The following TMEM117 variants were observed in gnomAD, a reference collection of about 807,000 sequenced individuals.
TMEM117 encodes the protein transmembrane protein 117.
A neutral mutation model predicts 52.4 loss-of-function variants in TMEM117; 27 were observed. The ratio of observed to expected loss-of-function variants is 0.51; its 90% CI spans 0.38 to 0.71. TMEM117 has a LOEUF of 0.71. Ranked by LOEUF, TMEM117 falls within the 30% of genes least tolerant of loss-of-function variation. The pLI, the probability that TMEM117 is intolerant of heterozygous loss-of-function variation, is 0.00. For missense variants in TMEM117, 556 were observed against 630.5 expected (o/e 0.88, Z 1.26); for synonymous variants, 215 against 206.3 (o/e 1.04, Z -0.36).
chr12:44,038,236 A>T (rs1946741542), intron 3 of TMEM117, among the ~76,000 whole-genome samples: 1 of 152,070 alleles, frequency 6.6e-6, no homozygotes. Context: ...AGGAGAGAAA[A>T]GCTGTGGCCC....
At chr12:44,214,157 T>A (rs1208983554) in intron 5 of TMEM117, among the ~76,000 whole-genome samples, 2 of 137,396 alleles carry the variant, frequency 1.5e-5, no homozygotes, top group African/African-American at 6.0e-5. Context: ...TTTTTTTTTT[T>A]TTTTTTTAAG....
chr12:44,098,477 G>A (rs1437951462), intron 3 of TMEM117, among the ~76,000 whole-genome samples: 1 of 152,054 alleles, frequency 6.6e-6, no homozygotes, highest in East Asian at 1.9e-4. Flanking sequence ...TGGATTCTTA[G>A]ATGTGTCTGC....
At chr12:43,834,130 C>A (rs1290626251), upstream of TMEM117, among the ~76,000 whole-genome samples, 2 of 152,056 alleles carry the variant, frequency 1.3e-5, no homozygotes, top group Non-Finnish European at 2.9e-5. Flanking sequence ...AAATTACAGA[C>A]CTCAGTATTC....
intron 2 of TMEM117, 159 bp downstream of exon 2, chr12:43,845,087 C>T: frequency 1.3e-6 from 1 of 745,106 alleles, no homozygotes; most frequent in Non-Finnish European, 2.1e-6. Context: ...TCTTCAACTA[C>T]TCTCTGTTAA....
chr12:44,233,621 A>T (rs1949959035), intron 5 of TMEM117, among the ~76,000 whole-genome samples: 1 of 151,296 alleles, frequency 6.6e-6, no homozygotes, highest in South Asian at 2.1e-4. Flanking sequence ...CTGCCTACCA[A>T]AGCAAAAATC....
At chr12:44,283,838 T>C (rs1592664779) in intron 5 of TMEM117, among the ~76,000 whole-genome samples, 1 of 152,144 alleles carries the variant, frequency 6.6e-6, no homozygotes, top group East Asian at 1.9e-4. Flanking sequence ...TCAACTTGAA[T>C]TGTAGCTCCT....
At chr12:44,321,767 TAAC>T (rs1336453210) in intron 6 of TMEM117, among the ~76,000 whole-genome samples, 2 of 152,142 alleles carry the variant, frequency 1.3e-5, no homozygotes, top group African/African-American at 4.8e-5. Flanking sequence ...TTTAGAAAAA[TAAC>T]AACTATGTAT....
intron 5 of TMEM117, among the ~76,000 whole-genome samples, chr12:44,273,007 G>C (rs141589772): frequency 0.011 from 1,642 of 152,308 alleles, 11 homozygotes; most frequent in African/African-American, 0.019. Flanking sequence ...TTAAGAAAAT[G>C]TGGCACATAT....
intron 6 of TMEM117, among the ~76,000 whole-genome samples, chr12:44,346,310 A>G (rs1951485961): frequency 6.6e-6 from 1 of 152,104 alleles, no homozygotes; most frequent in Non-Finnish European, 1.5e-5. Context: ...TTTTACCTAT[A>G]CAACTTTCTG....
chr12:43,848,756 A>G (rs960174227), intron 2 of TMEM117, among the ~76,000 whole-genome samples: 1 of 152,220 alleles, frequency 6.6e-6, no homozygotes, highest in African/African-American at 2.4e-5. Flanking sequence ...AAAGACGGGC[A>G]TAAGAATTAT....
At position 44,388,276 on chromosome 12, in the gene TMEM117, C is replaced by T; in HGVS notation, c.1149C>T (p.Ser383=). ...TYVEGDMFLH[S]RFIGASLDVK... is the part of the protein sequence containing the mutation. Reference sequence around the variant, plus strand: ...TTGAGGGAGACATGTTCTTACACAGCAGGTTCATAGGAGCCAGTCTTGATG... The same window carrying T: ...TTGAGGGAGACATGTTCTTACACAGTAGGTTCATAGGAGCCAGTCTTGATG... Residue 383 remains serine (S), a synonymous_variant, in exon 8 of 8, where the codon AGC becomes AGT. Coordinates refer to ENST00000266534, the MANE Select transcript of TMEM117 (RefSeq NM_032256.3). 3 of 1,613,542 alleles carry T rather than the reference C, an allele frequency of 1.9e-6. No homozygotes were observed. Among genetic ancestry groups the T allele is most frequent in the Non-Finnish European group, 2.5e-6 (3 of 1,179,632 alleles).
At chr12:44,186,337 G>C (rs1949278002) in intron 4 of TMEM117, among the ~76,000 whole-genome samples, 1 of 152,184 alleles carries the variant, frequency 6.6e-6, no homozygotes, top group African/African-American at 2.4e-5. Context: ...CAGAAAGCCA[G>C]GGTTGGCAAA....
chr12:43,887,649 A>G lies in TMEM117; in HGVS notation c.277+42721A>G, dbSNP rs146908941. ...ACCCTGACTCCAACAGCTCTGATGC[A>G]TCTCACTGCCAAGGCCTGGATGGAA... On this transcript the variant is annotated intron_variant, in intron 2 of 7. Coordinates refer to ENST00000266534, the MANE Select transcript of TMEM117 (RefSeq NM_032256.3). Among the ~76,000 whole-genome samples, 55 of 152,320 alleles carry G rather than the reference A, an allele frequency of 3.6e-4. 1 individual carries two copies. The East Asian group carries it at 0.01, about 28-fold the overall frequency.
intron 2 of TMEM117, among the ~76,000 whole-genome samples, chr12:43,882,460 C>CAG (rs1555180475): frequency 8.5e-6 from 1 of 117,246 alleles, no homozygotes; most frequent in Non-Finnish European, 1.7e-5. Context: ...AACTTCATCT[C>CAG]AAAAAAAAAA....
the TMEM117 span, chr12:43,804,343 C>A: frequency 3.3e-6 from 2 of 614,272 alleles, no homozygotes; most frequent in Non-Finnish European, 5.9e-6. Context: ...CCCATAGGGA[C>A]CTGCACAAAA....
chr12:44,136,539 T>G (rs891628864), intron 3 of TMEM117, among the ~76,000 whole-genome samples: 2 of 152,158 alleles, frequency 1.3e-5, no homozygotes, highest in Non-Finnish European at 2.9e-5. Flanking sequence ...CAGTATCCAT[T>G]TGAAGGGCAG....
chr12:44,102,274 G>A (rs759710819), intron 3 of TMEM117, among the ~76,000 whole-genome samples: 1 of 151,872 alleles, frequency 6.6e-6, no homozygotes, highest in Non-Finnish European at 1.5e-5. Context: ...TAAGGGAATC[G>A]GCTATCTAGA....
intron 4 of TMEM117, among the ~76,000 whole-genome samples, chr12:44,160,639 C>T (rs1006136896): frequency 5.3e-5 from 8 of 151,796 alleles, no homozygotes; most frequent in African/African-American, 1.7e-4. Flanking sequence ...ACTGGCTCCA[C>T]AAAAAATTTA....
intron 5 of TMEM117, among the ~76,000 whole-genome samples, chr12:44,251,366 T>G (rs1452540744): frequency 6.6e-6 from 1 of 152,200 alleles, no homozygotes; most frequent in Non-Finnish European, 1.5e-5. Flanking sequence ...GCTTGTTGCT[T>G]TCAAAGCCTC....
Sources: allele counts gnomAD v4.1 joint callset (sites outside exome capture counted in the v4.1 genomes callset), GRCh38; gene constraint gnomAD v4.1.1; transcripts MANE v1.5; gene names NCBI Gene and HGNC (gene_info 2026-07-23, HGNC 2026-07-21).